The following ATP13A3 variants were observed in gnomAD, a reference collection of about 807,000 sequenced individuals.
ATP13A3 encodes the protein polyamine-transporting ATPase 13A3.
A neutral mutation model predicts 158.1 loss-of-function variants in ATP13A3; 59 were observed. The observed-to-expected ratio is 0.37, with a 90% CI of 0.30 to 0.46. The LOEUF is 0.46. ATP13A3 is among the 20% of genes least tolerant of loss of function. The pLI is 1.00. For missense variants in ATP13A3, 1,166 were observed against 1,525.2 expected (o/e 0.76, Z 3.92); for synonymous variants, 491 against 504.3 (o/e 0.97, Z 0.35).
chr3:194,443,353 G>A (rs1251911351), intron 15 of ATP13A3, among the ~76,000 whole-genome samples: 1 of 152,040 alleles, frequency 6.6e-6, no homozygotes, highest in African/African-American at 2.4e-5. Flanking sequence ...TATAAGATTG[G>A]GATGCATAAA....
At chr3:194,427,006 A>G in intron 29 of ATP13A3, 69 bp downstream of exon 29, 1 of 1,513,354 alleles carries the variant, frequency 6.6e-7, no homozygotes, top group Non-Finnish European at 8.9e-7. Flanking sequence ...ATTAACTTCT[A>G]AACTCATTTT....
intron 13 of ATP13A3, 128 bp from the exon 14 acceptor site, chr3:194,447,243 T>C (rs1455024686): frequency 1.1e-5 from 8 of 699,928 alleles, no homozygotes; most frequent in South Asian, 2.2e-5. Context: ...TGTGTGTGTA[T>C]ATACATATCT....
At chr3:194,472,727 GC>G (rs1215128962) in intron 2 of ATP13A3, among the ~76,000 whole-genome samples, 1 of 152,166 alleles carries the variant, frequency 6.6e-6, no homozygotes, top group African/African-American at 2.4e-5. Flanking sequence ...ATTCACAATA[GC>G]AAAGACATGG....
chr3:194,409,377 C>G (rs1425176272), intron 33 of ATP13A3, among the ~76,000 whole-genome samples: 1 of 152,180 alleles, frequency 6.6e-6, no homozygotes, highest in African/African-American at 2.4e-5. Flanking sequence ...AAGACTACCA[C>G]TACACCATAC....
Position 194,438,986 on chromosome 3 carries a change from A to C in ATP13A3, c.1711-14T>G. 1 of 1,516,676 alleles carries C rather than the reference A, an allele frequency of 6.6e-7. No individual in the cohort carries two copies. Among genetic ancestry groups the C allele is most frequent in the Non-Finnish European group, 9.0e-7 (1 of 1,114,058 alleles). 94.0% of individuals were successfully genotyped at this position (1,516,676 alleles called of 1,614,324 possible). Reference sequence around the variant, plus strand: ...TTCTTCCAGAATCTGGAAAAAAAAAAGAGACAAAAAAAAACAAAAACACAA... The same window carrying C: ...TTCTTCCAGAATCTGGAAAAAAAAACGAGACAAAAAAAAACAAAAACACAA... On this transcript the variant is annotated splice_polypyrimidine_tract_variant and intron_variant, in intron 16 of 33. Coordinates refer to ENST00000645319, the MANE Select transcript of ATP13A3 (RefSeq NM_001367549.1).
At chr3:194,444,886 T>C in intron 14 of ATP13A3, 100 bp from the exon 15 acceptor site, 2 of 863,714 alleles carry the variant, frequency 2.3e-6, no homozygotes, top group East Asian at 5.0e-5. Flanking sequence ...TTAGAAACTA[T>C]GCTACATATA....
intron 1 of ATP13A3, among the ~76,000 whole-genome samples, chr3:194,486,155 C>T (rs1222758438): frequency 1.3e-5 from 2 of 152,164 alleles, no homozygotes; most frequent in African/African-American, 4.8e-5. Flanking sequence ...ACGGGACTCA[C>T]TCCTTTTATC....
intron 11 of ATP13A3, 99 bp downstream of exon 11, chr3:194,450,046 A>C: frequency 8.1e-7 from 1 of 1,236,024 alleles, no homozygotes; most frequent in Admixed American, 2.3e-5. Context: ...TCATGAGTAA[A>C]GGTACAAATG....
chr3:194,420,551 T>G (rs1716217831), intron 30 of ATP13A3, among the ~76,000 whole-genome samples: 1 of 152,180 alleles, frequency 6.6e-6, no homozygotes, highest in African/African-American at 2.4e-5. Flanking sequence ...CAGAAAATCT[T>G]AGCCAAAAGC....
intron 7 of ATP13A3, among the ~76,000 whole-genome samples, chr3:194,456,667 A>G (rs1719252360): frequency 1.3e-5 from 2 of 152,128 alleles, no homozygotes; most frequent in Non-Finnish European, 2.9e-5. Context: ...CCAATTTACA[A>G]TCTTTCATTA....
Position 194,479,167 on chromosome 3 carries a change from A to T in ATP13A3, c.-47+6627T>A, listed in dbSNP as rs75294927. On this transcript the variant is annotated intron_variant, in intron 2 of 33. Coordinates refer to ENST00000645319, the MANE Select transcript of ATP13A3 (RefSeq NM_001367549.1). ...ATGAGCTTATTCTATTCTCTTCATC[A>T]AACACTGAACAGAAAACCATGGGTT... 2.5e-3 allele frequency among the ~76,000 whole-genome samples: 382 copies of T among 152,302 alleles called. 4 individuals carry two copies. The highest frequency in any genetic ancestry group is 4.2e-3 in the Non-Finnish European group (287 of 68,022).
chr3:194,450,556 C>T (rs1366589726), intron 10 of ATP13A3: 2 of 362,870 alleles, frequency 5.5e-6, no homozygotes, highest in South Asian at 2.7e-5. Flanking sequence ...CTCATGACAA[C>T]CGTCCATGAT....
At chr3:194,428,328 T>C (rs1716968254) in intron 28 of ATP13A3, among the ~76,000 whole-genome samples, 1 of 152,168 alleles carries the variant, frequency 6.6e-6, no homozygotes, top group Admixed American at 6.5e-5. Context: ...TCATCAAACT[T>C]TCACTAGTTT....
intron 2 of ATP13A3, among the ~76,000 whole-genome samples, chr3:194,464,030 G>C (rs185980811): frequency 6.6e-6 from 1 of 152,124 alleles, no homozygotes; most frequent in East Asian, 1.9e-4. Context: ...GCATGATGGC[G>C]GGTGCCTGTA....
intron 6 of ATP13A3, among the ~76,000 whole-genome samples, chr3:194,457,839 G>A (rs1719343620): frequency 6.9e-6 from 1 of 145,976 alleles, no homozygotes; most frequent in Non-Finnish European, 1.5e-5. Context: ...AGGCTGGAGT[G>A]CAGTGGCACA....
chr3:194,422,064 A>C (rs993015571), intron 30 of ATP13A3, among the ~76,000 whole-genome samples: 1 of 152,182 alleles, frequency 6.6e-6, no homozygotes, highest in South Asian at 2.1e-4. Context: ...CACCTCTAAA[A>C]ATCTGCCAAG....
intron 32 of ATP13A3, 103 bp from the exon 33 acceptor site, chr3:194,412,391 G>T: frequency 2.3e-6 from 2 of 877,006 alleles, no homozygotes; most frequent in Non-Finnish European, 1.8e-6. Context: ...TTGATGAAAA[G>T]GATATTTTGA....
intron 2 of ATP13A3, among the ~76,000 whole-genome samples, chr3:194,475,449 T>C (rs1232207732): frequency 6.6e-6 from 1 of 152,216 alleles, no homozygotes; most frequent in Non-Finnish European, 1.5e-5. Flanking sequence ...ATGTAACTCA[T>C]AGGTACTTGG....
At chr3:194,416,055 G>C (rs559151033) in intron 31 of ATP13A3, among the ~76,000 whole-genome samples, 1 of 152,074 alleles carries the variant, frequency 6.6e-6, no homozygotes, top group Non-Finnish European at 1.5e-5. Flanking sequence ...TGACCAAACT[G>C]AATTTATTCT....
Sources: gnomAD v4.1 joint callset for allele counts (sites outside exome capture counted in the v4.1 genomes callset) on GRCh38, gnomAD v4.1.1 for gene constraint, MANE v1.5 for transcripts, NCBI Gene and HGNC (gene_info 2026-07-23, HGNC 2026-07-21) for gene names.